The following AGBL4 variants were observed in gnomAD, a reference collection of about 807,000 sequenced individuals.
AGBL4 encodes the protein AGBL carboxypeptidase 4, also known as cytosolic carboxypeptidase 6.
AGBL4 carries 58 observed loss-of-function variants against 66.4 expected under a neutral mutation model. The ratio of observed to expected loss-of-function variants is 0.87; its 90% CI spans 0.71 to 1.09. The LOEUF is 1.09. AGBL4 is among the 50% of genes least tolerant of loss of function. The pLI is 0.00. For missense variants in AGBL4, 579 were observed against 631.0 expected, an observed-to-expected ratio of 0.92 and a Z score of 0.88; for synonymous variants, 234 against 222.9, an observed-to-expected ratio of 1.05 and a Z score of -0.44.
intron 4 of AGBL4, among the ~76,000 whole-genome samples, chr1:49,185,530 T>G (rs1647000590): frequency 6.6e-6 from 1 of 152,212 alleles, no homozygotes; most frequent in South Asian, 2.1e-4. Context: ...TGTTTCAATG[T>G]GTCTATAGAG....
Position 49,355,345 on chromosome 1 carries a change from G to A in AGBL4, c.283-109481C>T, listed in dbSNP as rs113701179. 5.7e-3 allele frequency among the ~76,000 whole-genome samples: 860 copies of A among 152,056 alleles called. 5 individuals carry two copies. The highest frequency in any genetic ancestry group is 7.0e-3 in the Non-Finnish European group (477 of 67,970). On this transcript the variant is annotated intron_variant, in intron 3 of 13. Coordinates refer to ENST00000371839, the MANE Select transcript of AGBL4 (RefSeq NM_032785.4). ...CGTTTACCAAGGCCAAAACCAGGGC[G>A]TCATCCTTAATTACTCTCTTTCCCT...
intron 5 of AGBL4, among the ~76,000 whole-genome samples, chr1:48,885,662 A>T (rs1650249852): frequency 6.6e-6 from 1 of 152,148 alleles, no homozygotes; most frequent in African/African-American, 2.4e-5. Context: ...CTATCATGGC[A>T]TTTTTAATCT....
At chr1:49,159,217 T>C (rs975392844) in intron 4 of AGBL4, among the ~76,000 whole-genome samples, 2 of 152,112 alleles carry the variant, frequency 1.3e-5, no homozygotes, top group Non-Finnish European at 2.9e-5. Flanking sequence ...TTCCTTTCCA[T>C]ATTTAGTGCT....
At chr1:49,272,775 T>G (rs979125317) in intron 3 of AGBL4, among the ~76,000 whole-genome samples, 2 of 152,192 alleles carry the variant, frequency 1.3e-5, no homozygotes, top group Non-Finnish European at 2.9e-5. Flanking sequence ...TATATGTCTG[T>G]TTATATACTG....
At position 49,585,928 on chromosome 1, in the gene AGBL4, TC is replaced by T. The variant is rs1360104028; in HGVS notation, c.282+111384del. On this transcript the variant is annotated intron_variant, in intron 3 of 13. Transcript: ENST00000371839. ...ATGCCATAAAAATAATTCCCATTTT[TC>T]CCCCCTGAATATTCTGTCTGTGTAT... 7.9e-5 allele frequency among the ~76,000 whole-genome samples: 12 copies of T among 152,172 alleles called. No individual in the cohort carries two copies. In the South Asian group the frequency reaches 2.5e-3, roughly 32 times the overall value.
intron 3 of AGBL4, among the ~76,000 whole-genome samples, chr1:49,588,399 T>C (rs1192160890): frequency 6.6e-6 from 1 of 152,148 alleles, no homozygotes; most frequent in East Asian, 1.9e-4. Flanking sequence ...TAGCACCCAG[T>C]ACAAATTTTA....
chr1:48,581,186 T>C (rs1644735072), intron 11 of AGBL4, among the ~76,000 whole-genome samples: 1 of 152,190 alleles, frequency 6.6e-6, no homozygotes, highest in African/African-American at 2.4e-5. Context: ...CTAATGTGTT[T>C]GGTTGGATGG....
intron 2 of AGBL4, among the ~76,000 whole-genome samples, chr1:49,728,984 A>T (rs191147324): frequency 6.6e-6 from 1 of 152,320 alleles, no homozygotes; most frequent in East Asian, 1.9e-4. Context: ...TCCATATTGT[A>T]TGTTCACTTA....
intron 3 of AGBL4, among the ~76,000 whole-genome samples, chr1:49,478,504 A>G (rs898707919): frequency 3.3e-5 from 5 of 152,052 alleles, no homozygotes; most frequent in South Asian, 2.1e-4. Context: ...ATAACCTTCA[A>G]TCATGAAGGA....
chr1:49,854,832 T>C (rs1344490715), intron 1 of AGBL4, among the ~76,000 whole-genome samples: 1 of 152,132 alleles, frequency 6.6e-6, no homozygotes, highest in Non-Finnish European at 1.5e-5. Context: ...TCCCAGAGCC[T>C]GAAAACCATC....
intron 3 of AGBL4, among the ~76,000 whole-genome samples, chr1:49,601,675 T>C (rs1644962156): frequency 6.6e-6 from 1 of 152,154 alleles, no homozygotes; most frequent in Admixed American, 6.5e-5. Flanking sequence ...ACTGGACCCC[T>C]TCCCTACACC....
chr1:49,132,385 C>T (rs190345582), intron 4 of AGBL4, among the ~76,000 whole-genome samples: 3 of 152,170 alleles, frequency 2.0e-5, no homozygotes, highest in Admixed American at 6.6e-5. Context: ...CCAGCTAGCT[C>T]GATCCAAGAC....
chr1:49,648,847 A>G (rs1034217662), intron 3 of AGBL4, among the ~76,000 whole-genome samples: 2 of 152,092 alleles, frequency 1.3e-5, no homozygotes, highest in Non-Finnish European at 2.9e-5. Flanking sequence ...AAGAAATGTT[A>G]AAAGAAATTA....
At chr1:49,011,764 A>T (rs574487293) in intron 5 of AGBL4, among the ~76,000 whole-genome samples, 2 of 152,014 alleles carry the variant, frequency 1.3e-5, no homozygotes, top group East Asian at 3.9e-4. Context: ...CATCATTCTC[A>T]GTAAACTATC....
intron 3 of AGBL4, among the ~76,000 whole-genome samples, chr1:49,584,417 G>A (rs1158955533): frequency 6.6e-6 from 1 of 152,026 alleles, no homozygotes; most frequent in African/African-American, 2.4e-5. Context: ...TTCCATTGGG[G>A]GGCAGTTATC....
At chr1:49,589,479 A>C (rs907806733) in intron 3 of AGBL4, among the ~76,000 whole-genome samples, 4 of 152,150 alleles carry the variant, frequency 2.6e-5, no homozygotes, top group Non-Finnish European at 4.4e-5. Flanking sequence ...ATCCACAGAG[A>C]CCAAAAAGCA....
intron 3 of AGBL4, among the ~76,000 whole-genome samples, chr1:49,491,522 G>A (rs1647184194): frequency 6.6e-6 from 1 of 151,802 alleles, no homozygotes. Context: ...CACATAAAAA[G>A]TTTAAGTCAT....
At chr1:48,941,185 A>G (rs1049760170) in intron 5 of AGBL4, among the ~76,000 whole-genome samples, 1 of 152,228 alleles carries the variant, frequency 6.6e-6, no homozygotes, top group African/African-American at 2.4e-5. Context: ...ATACTCTGGC[A>G]GCCTGAGCAT....
intron 3 of AGBL4, among the ~76,000 whole-genome samples, chr1:49,343,302 G>C (rs765090597): frequency 6.6e-6 from 1 of 152,144 alleles, no homozygotes; most frequent in Admixed American, 6.5e-5. Flanking sequence ...AAAGCAGATA[G>C]ATCCCTCTCA....
Sources: gnomAD v4.1 joint callset for allele counts (sites outside exome capture counted in the v4.1 genomes callset) on GRCh38, gnomAD v4.1.1 for gene constraint, MANE v1.5 for transcripts, NCBI Gene and HGNC (gene_info 2026-07-23, HGNC 2026-07-21) for gene names.